UPP2: variants seen among roughly 807,000 people sequenced by gnomAD.
UPP2 encodes uridine phosphorylase 2, also known as UPase 2.
A neutral mutation model predicts 26.7 loss-of-function variants in UPP2; 23 were observed. The observed-to-expected ratio is 0.86, with a 90% CI of 0.62 to 1.22. The LOEUF (loss-of-function observed/expected upper bound fraction) is 1.22, where lower values mean the gene tolerates loss of function less well. Ranked by LOEUF, UPP2 falls within the 50% of genes most tolerant of loss-of-function variation. The pLI is 0.00. For missense variants in UPP2, 387 were observed against 396.7 expected (o/e 0.98, Z 0.21); for synonymous variants, 127 against 141.3 (o/e 0.90, Z 0.72).
rs543322686 is a variant in UPP2 at position 158,116,350 on chromosome 2, T to C, written c.339+1091T>C. ...TAGACTATAACTGTTTTTTGTATAG[T>C]AAATGGAGAAGGACAAAAAAGTAAG... On this transcript the variant is annotated intron_variant, in intron 3 of 6. Coordinates refer to ENST00000005756, the MANE Select transcript of UPP2 (RefSeq NM_173355.4). Among the ~76,000 whole-genome samples, 421 of 152,292 alleles carry C rather than the reference T, an allele frequency of 2.8e-3. 1 individual carries two copies. Among genetic ancestry groups the C allele is most frequent in the Non-Finnish European group, 4.5e-3 (305 of 68,020 alleles).
chr2:158,035,443 C>T (rs889206378), intron 3 of UPP2, among the ~76,000 whole-genome samples: 23 of 152,274 alleles, frequency 1.5e-4, no homozygotes, highest in African/African-American at 4.3e-4. Flanking sequence ...CATGAGCCAC[C>T]GCGCCCGGCC....
Position 158,052,648 on chromosome 2 carries a change from T to C in UPP2, c.147+36762T>C, listed in dbSNP as rs75593788. On this transcript the variant is annotated intron_variant, in intron 3 of 9. Coordinates refer to the UPP2 transcript ENST00000605860. ...GTTACTTAACATCTTTGGGCGTCAA[T>C]GTCTTTATTTGTAGAATAGAATTAA... Among the ~76,000 whole-genome samples the C allele has an allele frequency of 7.4e-3, 1,122 of 152,342 alleles. 17 individuals carry two copies. Among genetic ancestry groups the C allele is most frequent in the African/African-American group, 0.026 (1,063 of 41,582 alleles).
At chr2:158,009,123 A>G (rs951453043) in intron 2 of UPP2, among the ~76,000 whole-genome samples, 2 of 152,120 alleles carry the variant, frequency 1.3e-5, no homozygotes, top group East Asian at 3.8e-4. Flanking sequence ...ATAGGACAGT[A>G]CCCTTTAATT....
At chr2:158,072,166 A>C (rs1020660932) in intron 3 of UPP2, among the ~76,000 whole-genome samples, 2 of 152,086 alleles carry the variant, frequency 1.3e-5, no homozygotes, top group Non-Finnish European at 2.9e-5. Context: ...ATTCGGCTTT[A>C]CGTGAATATT....
chr2:157,996,251 C>G (rs918630003), intron 2 of UPP2, among the ~76,000 whole-genome samples: 67 of 152,176 alleles, frequency 4.4e-4, no homozygotes, highest in Non-Finnish European at 1.5e-5. Flanking sequence ...TTGGCTATAT[C>G]TTAGCTTACC....
chr2:158,090,670 C>T (rs982208866), intron 3 of UPP2, among the ~76,000 whole-genome samples: 7 of 151,756 alleles, frequency 4.6e-5, no homozygotes, highest in African/African-American at 1.5e-4. Flanking sequence ...GCCAGCAGCA[C>T]GGCCACGGAC....
intron 2 of UPP2, among the ~76,000 whole-genome samples, chr2:158,008,369 T>G (rs1683526258): frequency 6.6e-6 from 1 of 152,222 alleles, no homozygotes; most frequent in South Asian, 2.1e-4. Flanking sequence ...TTGATTATTT[T>G]GTGTTGCAGG....
chr2:158,024,376 AG>A (rs952004761), intron 3 of UPP2, among the ~76,000 whole-genome samples: 3 of 152,216 alleles, frequency 2.0e-5, no homozygotes, highest in African/African-American at 7.2e-5. Flanking sequence ...GTAGAGGAGC[AG>A]GATTGGGATG....
chr2:158,122,222 A>T (rs1461516478), intron 5 of UPP2, among the ~76,000 whole-genome samples: 1 of 151,330 alleles, frequency 6.6e-6, no homozygotes, highest in African/African-American at 2.4e-5. Context: ...TTCTCGTCCC[A>T]GAAGAAAGAA....
At chr2:158,064,049 T>C (rs1402878849) in intron 3 of UPP2, among the ~76,000 whole-genome samples, 1 of 152,256 alleles carries the variant, frequency 6.6e-6, no homozygotes, top group African/African-American at 2.4e-5. Context: ...AGTGCTGCAG[T>C]AAACATACGT....
At chr2:158,085,292 T>C (rs1310027566) in intron 3 of UPP2, among the ~76,000 whole-genome samples, 1 of 152,114 alleles carries the variant, frequency 6.6e-6, no homozygotes, top group Non-Finnish European at 1.5e-5. Flanking sequence ...TTCAATTTCA[T>C]TCTCAGCTTG....
chr2:158,092,144 C>T (rs13396285), intron 3 of UPP2, among the ~76,000 whole-genome samples: 3,337 of 152,076 alleles, frequency 0.022, 122 homozygotes, highest in African/African-American at 0.073. Flanking sequence ...CTGAGGTGGC[C>T]TAACATACAT....
intron 2 of UPP2, among the ~76,000 whole-genome samples, chr2:158,012,263 CTTTTTTTTT>C (rs34807293): frequency 3.7e-5 from 3 of 81,632 alleles, no homozygotes; most frequent in African/African-American, 1.2e-4. Context: ...TTGTTTCTAC[CTTTTTTTTT>C]TTTTTTTTTT....
intron 2 of UPP2, among the ~76,000 whole-genome samples, chr2:158,014,510 C>G (rs761741241): frequency 4.6e-5 from 7 of 152,150 alleles, no homozygotes; most frequent in Non-Finnish European, 8.8e-5. Flanking sequence ...TTAAAAAGTA[C>G]AGTTAATCTG....
At chr2:158,038,275 A>T (rs536473465) in intron 3 of UPP2, among the ~76,000 whole-genome samples, 1 of 152,360 alleles carries the variant, frequency 6.6e-6, no homozygotes, top group Admixed American at 6.5e-5. Flanking sequence ...TACATGGAGA[A>T]ACAGAAAAGA....
intron 3 of UPP2, among the ~76,000 whole-genome samples, chr2:158,083,445 TAACAC>T (rs1041699596): frequency 6.6e-6 from 1 of 151,938 alleles, no homozygotes; most frequent in African/African-American, 2.4e-5. Context: ...CTCAGCAAAC[TAACAC>T]AAGAACAGAA....
At chr2:158,130,777 A>C (rs1558943009) in intron 6 of UPP2, among the ~76,000 whole-genome samples, 1 of 152,200 alleles carries the variant, frequency 6.6e-6, no homozygotes, top group Non-Finnish European at 1.5e-5. Context: ...ATGTAAAAAT[A>C]ATTTAACTGG....
chr2:158,134,857 C>G lies in UPP2; in HGVS notation c.921C>G (p.Asn307Lys). ...YQQRPQLLIS[N>K]FIRRRLGLCD ...AACGGCCTCAGCTCCTAATCTCCAA[C>G]TTCATCAGACGGCGGCTTGGACTTT... is the stretch of plus-strand genomic sequence containing the variant. The change falls in exon 7 of 7, where the codon AAC becomes AAG. Residue 307 changes from asparagine to lysine, a missense_variant. Transcript: ENST00000005756. The G allele has an allele frequency of 6.2e-7, 1 of 1,613,728 alleles. No individual in the cohort carries two copies. Among genetic ancestry groups the G allele is most frequent in the South Asian group, 1.1e-5 (1 of 91,018 alleles).
At chr2:158,122,573 G>T (rs1364030724) in intron 5 of UPP2, among the ~76,000 whole-genome samples, 1 of 152,060 alleles carries the variant, frequency 6.6e-6, no homozygotes, top group Admixed American at 6.6e-5. Flanking sequence ...GCAAATGGAA[G>T]CTTGTTAAAG....
Sources: gnomAD v4.1 joint callset for allele counts (sites outside exome capture counted in the v4.1 genomes callset) on GRCh38, gnomAD v4.1.1 for gene constraint, MANE v1.5 for transcripts, NCBI Gene and HGNC (gene_info 2026-07-23, HGNC 2026-07-21) for gene names.